AFG1L: variants seen among roughly 807,000 people sequenced by gnomAD.
AFG1L encodes the protein AFG1-like ATPase.
A neutral mutation model predicts 62.2 loss-of-function variants in AFG1L; 53 were observed. That is an observed-to-expected ratio of 0.85 (90% CI 0.68 to 1.07). The LOEUF (loss-of-function observed/expected upper bound fraction) is 1.07. Ranked by LOEUF, AFG1L falls within the 50% of genes least tolerant of loss-of-function variation. The probability of loss-of-function intolerance (pLI) is 0.00; values close to 1 mark genes in which losing one functional copy is unlikely to be tolerated. For synonymous variants in AFG1L, 228 were observed against 210.3 expected, an observed-to-expected ratio of 1.08 and a Z score of -0.73; for missense variants, 555 against 590.5, an observed-to-expected ratio of 0.94 and a Z score of 0.62.
chr6:108,426,240 AG>A (rs1770810572), intron 7 of AFG1L, among the ~76,000 whole-genome samples: 1 of 152,032 alleles, frequency 6.6e-6, no homozygotes, highest in Non-Finnish European at 1.5e-5. Context: ...TAGTTAGAAA[AG>A]TTATGCTTAC....
At chr6:108,427,762 T>C (rs978458207) in intron 7 of AFG1L, among the ~76,000 whole-genome samples, 4 of 152,120 alleles carry the variant, frequency 2.6e-5, no homozygotes, top group Non-Finnish European at 5.9e-5. Context: ...CCTCAAGTGA[T>C]CCACCTACCT....
chr6:108,467,310 C>T (rs986739443), intron 8 of AFG1L, among the ~76,000 whole-genome samples: 10 of 151,008 alleles, frequency 6.6e-5, no homozygotes, highest in Middle Eastern at 6.8e-3. Flanking sequence ...TGCAATGGCA[C>T]GATCTTGGCT....
At position 108,449,431 on chromosome 6, in the gene AFG1L, T is replaced by A. The variant is rs373519942; in HGVS notation, c.890+2135T>A. 3.2e-4 allele frequency among the ~76,000 whole-genome samples: 49 copies of A among 152,168 alleles called. 1 individual carries two copies. In the South Asian group the frequency reaches 1.0e-2, roughly 31 times the overall value. On this transcript the variant is annotated intron_variant, in intron 8 of 12. Coordinates refer to ENST00000368977, the MANE Select transcript of AFG1L (RefSeq NM_145315.5). ...CCCTGAAGAGAATTAGCAATTAAAA[T>A]CATCTCAGAAGTGGGAAAATAATAT...
intron 6 of AFG1L, among the ~76,000 whole-genome samples, chr6:108,371,576 G>A (rs1052033968): frequency 5.3e-5 from 8 of 151,212 alleles, no homozygotes; most frequent in African/African-American, 1.9e-4. Flanking sequence ...TGTTGCCCAG[G>A]CTGGTCTCAA....
intron 11 of AFG1L, among the ~76,000 whole-genome samples, chr6:108,516,262 G>A (rs1774886941): frequency 6.6e-6 from 1 of 152,168 alleles, no homozygotes; most frequent in South Asian, 2.1e-4. Context: ...ATAAAATACT[G>A]GCAAACCGAA....
chr6:108,424,362 A>G (rs1418140956), intron 7 of AFG1L, among the ~76,000 whole-genome samples: 1 of 152,104 alleles, frequency 6.6e-6, no homozygotes, highest in Non-Finnish European at 1.5e-5. Flanking sequence ...TGTTCTAAAT[A>G]TGATAATAAA....
chr6:108,355,516 C>T (rs1779238839), intron 3 of AFG1L, 138 bp from the exon 4 acceptor site: 2 of 460,564 alleles, frequency 4.3e-6, no homozygotes, highest in Admixed American at 4.2e-5. Context: ...AGTAAGCTCC[C>T]CCTTCTAAAG....
At chr6:108,442,201 T>C (rs80253958) in intron 7 of AFG1L, among the ~76,000 whole-genome samples, 7 of 151,902 alleles carry the variant, frequency 4.6e-5, no homozygotes, top group Admixed American at 3.3e-4. Context: ...TTTTTTTTTT[T>C]ACTGGGTGAC....
At chr6:108,489,965 A>G (rs753059260) in intron 10 of AFG1L, among the ~76,000 whole-genome samples, 7 of 152,246 alleles carry the variant, frequency 4.6e-5, no homozygotes, top group Non-Finnish European at 7.3e-5. Context: ...ACTAGAGTCA[A>G]TGGAAGGAAA....
At chr6:108,386,900 A>G (rs1050422150) in intron 6 of AFG1L, among the ~76,000 whole-genome samples, 2 of 152,236 alleles carry the variant, frequency 1.3e-5, no homozygotes, top group African/African-American at 4.8e-5. Flanking sequence ...ATAAAGGCTG[A>G]TAGATTAAAT....
intron 7 of AFG1L, among the ~76,000 whole-genome samples, chr6:108,416,360 G>C (rs1770272785): frequency 1.3e-5 from 2 of 152,214 alleles, no homozygotes; most frequent in Admixed American, 1.3e-4. Flanking sequence ...GTGGAAGACA[G>C]TGTGGCGATT....
At chr6:108,492,105 AT>A (rs1218457273) in intron 10 of AFG1L, among the ~76,000 whole-genome samples, 1 of 152,162 alleles carries the variant, frequency 6.6e-6, no homozygotes, top group Non-Finnish European at 1.5e-5. Context: ...CTCCTTTTTC[AT>A]TTTGGGATCC....
intron 6 of AFG1L, among the ~76,000 whole-genome samples, chr6:108,399,653 T>A (rs1781474142): frequency 6.6e-6 from 1 of 151,404 alleles, no homozygotes; most frequent in South Asian, 2.1e-4. Context: ...TGAATTTGTT[T>A]ATCAGTTCTA....
intron 7 of AFG1L, among the ~76,000 whole-genome samples, chr6:108,439,681 G>A (rs939900147): frequency 6.6e-6 from 1 of 152,136 alleles, no homozygotes; most frequent in African/African-American, 2.4e-5. Flanking sequence ...CTTATAATTT[G>A]TATACTTTCC....
intron 7 of AFG1L, among the ~76,000 whole-genome samples, chr6:108,415,710 C>G (rs1368021153): frequency 1.3e-5 from 2 of 152,322 alleles, no homozygotes; most frequent in East Asian, 3.9e-4. Flanking sequence ...GGAAAACTGG[C>G]TAGCCATATG....
intron 6 of AFG1L, among the ~76,000 whole-genome samples, chr6:108,369,922 G>A (rs1251354625): frequency 8.7e-5 from 12 of 138,622 alleles, no homozygotes; most frequent in Admixed American, 7.9e-4. Flanking sequence ...AGATTGATCT[G>A]GCTGGCTGGC....
At chr6:108,404,875 A>C (rs1562138318) in intron 7 of AFG1L, among the ~76,000 whole-genome samples, 1 of 151,992 alleles carries the variant, frequency 6.6e-6, no homozygotes, top group African/African-American at 2.4e-5. Flanking sequence ...CTACAAGTGC[A>C]CACACCACCA....
chr6:108,326,266 C>T (rs1439882236), intron 2 of AFG1L, among the ~76,000 whole-genome samples: 1 of 152,036 alleles, frequency 6.6e-6, no homozygotes, highest in Non-Finnish European at 1.5e-5. Context: ...AGAGACAGGA[C>T]CTTACTCTGT....
chr6:108,387,951 C>T lies in AFG1L; in HGVS notation c.749-14045C>T, dbSNP rs1394169575. ...TTAGTTTAAGAAAAGCAAAAGACCA[C>T]AGTGAACTTAAATGAACTCTTTAAA... On this transcript the variant is annotated intron_variant, in intron 6 of 12. Coordinates refer to ENST00000368977, the MANE Select transcript of AFG1L (RefSeq NM_145315.5). 5 of 151,792 alleles carry T rather than the reference C, an allele frequency of 3.3e-5. No homozygotes were observed. The South Asian group carries it at 1.0e-3, about 32-fold the overall frequency. 9.4% of individuals were successfully genotyped at this position (151,792 alleles called of 1,614,324 possible).
Sources: gnomAD v4.1 joint callset for allele counts (sites outside exome capture counted in the v4.1 genomes callset) on GRCh38, gnomAD v4.1.1 for gene constraint, MANE v1.5 for transcripts, NCBI Gene and HGNC (gene_info 2026-07-23, HGNC 2026-07-21) for gene names.